The following TNFSF15 variants were observed in gnomAD, a reference collection of about 807,000 sequenced individuals.
The protein encoded by TNFSF15 is TNF superfamily member 15, also known as tumor necrosis factor ligand superfamily member 15.
TNFSF15 carries 15 observed loss-of-function variants against 26.4 expected under a neutral mutation model. The ratio of observed to expected loss-of-function variants is 0.57; its 90% CI spans 0.38 to 0.87. The LOEUF is 0.87. Ranked by LOEUF, TNFSF15 falls within the 40% of genes least tolerant of loss-of-function variation. The probability of loss-of-function intolerance (pLI) is 0.00; values close to 1 mark genes in which losing one functional copy is unlikely to be tolerated. For synonymous variants in TNFSF15, 116 were observed against 115.0 expected, an observed-to-expected ratio of 1.01 and a Z score of -0.06; for missense variants, 290 against 306.1, an observed-to-expected ratio of 0.95 and a Z score of 0.39.
chr9:114,797,974 GC>G (rs1829691830), intron 1 of TNFSF15, among the ~76,000 whole-genome samples: 2 of 152,188 alleles, frequency 1.3e-5, no homozygotes, highest in African/African-American at 4.8e-5. Context: ...AGATTCTCAG[GC>G]ATCAGGAAGA....
chr9:114,804,971 A>G (rs1829798620), intron 1 of TNFSF15, among the ~76,000 whole-genome samples: 1 of 152,204 alleles, frequency 6.6e-6, no homozygotes, highest in Admixed American at 6.5e-5. Context: ...TAAAAAGGAT[A>G]TTACTGGAAA....
rs1829482697 is a variant in TNFSF15 at position 114,785,402 on chromosome 9, C to G, written c.*5050G>C. ...CACTCTCTGGACAAATGGGAAATGA[C>G]AGCTAATTACTGAACCCTTGAGAAG... On this transcript the variant is annotated 3_prime_UTR_variant, in exon 4 of 4. Transcript: ENST00000374045. 6.6e-6 allele frequency: 1 copy of G among 152,172 alleles called. No homozygotes were observed. Among genetic ancestry groups the G allele is most frequent in the Non-Finnish European group, 1.5e-5 (1 of 68,030 alleles). 9.4% of individuals were successfully genotyped at this position (152,172 alleles called of 1,614,324 possible).
Position 114,787,088 on chromosome 9 carries a change from A to T in TNFSF15, c.*3364T>A, listed in dbSNP as rs758029497. The T allele has an allele frequency of 6.6e-6, 1 of 152,100 alleles. No individual in the cohort carries two copies. Among genetic ancestry groups the T allele is most frequent in the Admixed American group, 6.5e-5 (1 of 15,272 alleles). The allele number at this position is 152,100 out of a possible 1,614,324, so 9.4% of individuals were successfully genotyped here. ...CAAAGCATTTCTGGGTCATCCATAA[A>T]ATTCTAATATTTTTAAGGGTATTGA... On this transcript the variant is annotated 3_prime_UTR_variant, in exon 4 of 4. Transcript: ENST00000374045.
At chr9:114,792,197 G>T (rs544592637) in intron 3 of TNFSF15, 1 of 574,986 alleles carries the variant, frequency 1.7e-6, no homozygotes, top group African/African-American at 2.0e-5. Flanking sequence ...AGGAAAACGT[G>T]TGTGTGTGTG....
intron 1 of TNFSF15, among the ~76,000 whole-genome samples, chr9:114,801,627 T>C (rs147140591): frequency 6.6e-6 from 1 of 152,260 alleles, no homozygotes; most frequent in African/African-American, 2.4e-5. Context: ...TCAAATACTT[T>C]ATTTCTAATT....
chr9:114,799,748 G>A (rs1364757817), intron 1 of TNFSF15, among the ~76,000 whole-genome samples: 5 of 152,198 alleles, frequency 3.3e-5, no homozygotes, highest in African/African-American at 1.2e-4. Flanking sequence ...GGCACTCAGC[G>A]ATATGTTCAC....
intron 1 of TNFSF15, among the ~76,000 whole-genome samples, chr9:114,794,305 T>C (rs1829648367): frequency 6.6e-6 from 1 of 152,206 alleles, no homozygotes; most frequent in Admixed American, 6.5e-5. Context: ...GTGCAAAGAA[T>C]GCATGGAAAA....
intron 1 of TNFSF15, among the ~76,000 whole-genome samples, chr9:114,795,821 T>C (rs1297683756): frequency 1.3e-5 from 2 of 152,246 alleles, no homozygotes; most frequent in Non-Finnish European, 2.9e-5. Flanking sequence ...GTCATATGTA[T>C]GGATGTCTTG....
At chr9:114,791,792 T>C (rs1829602610) in intron 3 of TNFSF15, 1 of 167,908 alleles carries the variant, frequency 6.0e-6, no homozygotes, top group Admixed American at 6.5e-5. Context: ...GATTTCTATA[T>C]ATCGATGAAA....
In TNFSF15 at chr9:114,787,252, A is replaced by C. The variant is rs577898770; in HGVS notation, c.*3200T>G. 1.3e-5 allele frequency: 2 copies of C among 152,358 alleles called. No homozygotes were observed. The highest frequency in any genetic ancestry group is 4.1e-4 in the South Asian group (2 of 4,832). The allele number at this position is 152,358 out of a possible 1,614,324, so 9.4% of individuals were successfully genotyped here. The stretch of plus-strand genomic sequence containing the variant: ...CTTGAGTAGCTATTTTTAAAAAAAC[A>C]CTTCGAGTAAACACAAATCATTTTG... On this transcript the variant is annotated 3_prime_UTR_variant, in exon 4 of 4. Transcript: ENST00000374045.
chr9:114,802,244 G>T (rs577905084), intron 1 of TNFSF15, among the ~76,000 whole-genome samples: 13 of 151,672 alleles, frequency 8.6e-5, no homozygotes, highest in East Asian at 7.8e-4. Flanking sequence ...GAAGACTTTG[G>T]TTTTTTTTGT....
rs142062678 is a variant in TNFSF15, at chr9:114,798,091, A to T, written c.211-4523T>A. 7.4e-4 allele frequency among the ~76,000 whole-genome samples: 113 copies of T among 152,314 alleles called. 1 individual carries two copies. The highest frequency in any genetic ancestry group is 2.3e-3 in the African/African-American group (94 of 41,564). Reference sequence around the variant, plus strand: ...AAGACAACTTTTTGTTCCTATTAAAAATGTTTGTCATTTAGTACGAGGGCC... The same window carrying T: ...AAGACAACTTTTTGTTCCTATTAAATATGTTTGTCATTTAGTACGAGGGCC... On this transcript the variant is annotated intron_variant, in intron 1 of 3. Coordinates refer to ENST00000374045, the MANE Select transcript of TNFSF15 (RefSeq NM_005118.4).
chr9:114,800,349 GC>G (rs1829729679), intron 1 of TNFSF15, among the ~76,000 whole-genome samples: 1 of 152,110 alleles, frequency 6.6e-6, no homozygotes, highest in South Asian at 2.1e-4. Flanking sequence ...CCTTCTGTGT[GC>G]CAGGTACAGA....
rs1197696835 is a variant in TNFSF15 at position 114,787,495 on chromosome 9, G to A, written c.*2957C>T. The stretch of plus-strand genomic sequence containing the variant: ...GTACTCAGTAAATGTTTGTGGAATT[G>A]ATTTGAATTCAGCCTTTTGAGTGAC... On this transcript the variant is annotated 3_prime_UTR_variant, in exon 4 of 4. Coordinates refer to ENST00000374045, the MANE Select transcript of TNFSF15 (RefSeq NM_005118.4). The A allele has an allele frequency of 1.3e-5, 2 of 152,158 alleles. No individual in the cohort carries two copies. Among genetic ancestry groups the A allele is most frequent in the Admixed American group, 6.5e-5 (1 of 15,278 alleles). 9.4% of individuals were successfully genotyped at this position (152,158 alleles called of 1,614,324 possible). A position where few individuals can be genotyped will look rare whatever the true frequency, so the allele number is the denominator to read the frequency against.
chr9:114,793,050 T>C (rs1280107222), intron 2 of TNFSF15, among the ~76,000 whole-genome samples: 1 of 152,180 alleles, frequency 6.6e-6, no homozygotes, highest in Admixed American at 6.5e-5. Flanking sequence ...CTCAGAAATA[T>C]TATGTTGGAT....
At chr9:114,805,319 T>C (rs1829805820) in intron 1 of TNFSF15, among the ~76,000 whole-genome samples, 2 of 152,226 alleles carry the variant, frequency 1.3e-5, no homozygotes, top group Non-Finnish European at 2.9e-5. Flanking sequence ...AGACTCAGAA[T>C]AATCTCGTCT....
In TNFSF15 at chr9:114,790,183, A is replaced by T; in HGVS notation, c.*269T>A. 3.1e-6 allele frequency: 1 copy of T among 323,686 alleles called. No individual in the cohort carries two copies. Among genetic ancestry groups the T allele is most frequent in the Non-Finnish European group, 5.7e-6 (1 of 176,406 alleles). The allele number at this position is 323,686 out of a possible 1,614,324, so 20.1% of individuals were successfully genotyped here. ...TAGATCATCCATTCATTTAGTGATC[A>T]GTGTCTTAATATTTAGAAACTCGCC... is the stretch of plus-strand genomic sequence containing the variant. On this transcript the variant is annotated 3_prime_UTR_variant, in exon 4 of 4. Coordinates refer to ENST00000374045, the MANE Select transcript of TNFSF15 (RefSeq NM_005118.4).
In TNFSF15 at chr9:114,805,759, G is replaced by C. The variant is rs774125743; in HGVS notation, c.210+44C>G. ...TGAAATAGTTGCCACTCACTGCAGA[G>C]AGTCCACTGCTCCTCCCCAAGGTCA... On this transcript the variant is annotated intron_variant, in intron 1 of 3. Transcript: ENST00000374045. 12 of 1,580,788 alleles carry C rather than the reference G, an allele frequency of 7.6e-6. No homozygotes were observed. The South Asian group carries it at 1.2e-4, about 16-fold the overall frequency.
At chr9:114,792,139 G>C (rs367853733) in intron 3 of TNFSF15, 1 of 460,616 alleles carries the variant, frequency 2.2e-6, no homozygotes, top group South Asian at 4.6e-5. Flanking sequence ...ATTCACAATC[G>C]CAAAAATATG....
Sources: gnomAD v4.1 joint callset for allele counts (sites outside exome capture counted in the v4.1 genomes callset) on GRCh38, gnomAD v4.1.1 for gene constraint, MANE v1.5 for transcripts, NCBI Gene and HGNC (gene_info 2026-07-23, HGNC 2026-07-21) for gene names.